The following BCAS3 variants were observed in gnomAD, a reference collection of about 807,000 sequenced individuals.
BCAS3 encodes BCAS3 microtubule associated cell migration factor, also known as BCAS4/BCAS3 fusion.
In BCAS3, 53 loss-of-function variants were observed where a neutral mutation model predicts 116.1. The ratio of observed to expected loss-of-function variants is 0.46; its 90% CI spans 0.37 to 0.57. The LOEUF (loss-of-function observed/expected upper bound fraction) is 0.57, where lower values mean the gene tolerates loss of function less well. Ranked by LOEUF, BCAS3 falls within the 20% of genes least tolerant of loss-of-function variation. BCAS3 has a pLI of 0.00. For missense variants in BCAS3, 917 were observed against 1,165.4 expected, an observed-to-expected ratio of 0.79 and a Z score of 3.10; for synonymous variants, 391 against 408.2, an observed-to-expected ratio of 0.96 and a Z score of 0.51.
intron 22 of BCAS3, among the ~76,000 whole-genome samples, chr17:61,236,782 T>C (rs994164587): frequency 6.6e-6 from 1 of 151,064 alleles, no homozygotes; most frequent in African/African-American, 2.4e-5. Context: ...AAAAAGGCTT[T>C]TTGGAGAAGG....
At chr17:61,310,061 A>G (rs922374156) in intron 22 of BCAS3, among the ~76,000 whole-genome samples, 1 of 152,166 alleles carries the variant, frequency 6.6e-6, no homozygotes, top group African/African-American at 2.4e-5. Context: ...AGTAATAATA[A>G]ATGTAGGAAT....
intron 7 of BCAS3, among the ~76,000 whole-genome samples, chr17:60,862,078 T>G (rs926555360): frequency 6.6e-6 from 1 of 152,012 alleles, no homozygotes; most frequent in East Asian, 1.9e-4. Context: ...GGTCAGGAGA[T>G]TGAGACCGTC....
At chr17:61,178,109 A>G (rs1248272305) in intron 22 of BCAS3, among the ~76,000 whole-genome samples, 2 of 152,144 alleles carry the variant, frequency 1.3e-5, no homozygotes, top group Non-Finnish European at 2.9e-5. Flanking sequence ...TTTATTTTAA[A>G]TTAAAATTCA....
chr17:60,735,692 G>A (rs1454711981), intron 5 of BCAS3, among the ~76,000 whole-genome samples: 4 of 152,088 alleles, frequency 2.6e-5, no homozygotes, highest in Admixed American at 6.5e-5. Context: ...GGGTTCAAGC[G>A]ATCCACTCAC....
At chr17:60,916,817 G>A (rs2058802180) in intron 12 of BCAS3, among the ~76,000 whole-genome samples, 1 of 152,136 alleles carries the variant, frequency 6.6e-6, no homozygotes, top group African/African-American at 2.4e-5. Flanking sequence ...TAAGGTACCA[G>A]TATTCACAAT....
At position 61,016,232 on chromosome 17, in the gene BCAS3, T is replaced by G. The variant is rs79812696; in HGVS notation, c.1637+331T>G. On this transcript the variant is annotated intron_variant, in intron 16 of 23. Coordinates refer to ENST00000407086, the MANE Select transcript of BCAS3 (RefSeq NM_017679.5). ...GTACAGTTTCATTTTCCTGGCTCTTTCGGGATTTGAAATGACTCCCAAATT... is the reference window on the plus strand; with the variant it reads ...GTACAGTTTCATTTTCCTGGCTCTTGCGGGATTTGAAATGACTCCCAAATT... Among the ~76,000 whole-genome samples, 546 of 152,334 alleles carry G rather than the reference T, an allele frequency of 3.6e-3. 10 individuals carry two copies. The East Asian group carries it at 0.076, about 21-fold the overall frequency.
intron 10 of BCAS3, among the ~76,000 whole-genome samples, chr17:60,897,012 T>C (rs920367073): frequency 2.0e-5 from 3 of 152,178 alleles, no homozygotes; most frequent in African/African-American, 7.2e-5. Flanking sequence ...GTGAGTTTCA[T>C]AGTTTGGTGT....
intron 22 of BCAS3, among the ~76,000 whole-genome samples, chr17:61,342,508 T>C (rs8067416): frequency 0.85 from 128,825 of 152,178 alleles, 54,688 homozygotes; most frequent in African/African-American, 0.86. Context: ...AGTGAGGCAG[T>C]GTGGCAGTCC....
intron 4 of BCAS3, among the ~76,000 whole-genome samples, chr17:60,699,697 A>G (rs2036122663): frequency 6.6e-6 from 1 of 152,112 alleles, no homozygotes; most frequent in African/African-American, 2.4e-5. Context: ...AATAATTTTG[A>G]TTTTTATCTT....
At chr17:61,283,732 C>T (rs191912927) in intron 22 of BCAS3, among the ~76,000 whole-genome samples, 4 of 152,172 alleles carry the variant, frequency 2.6e-5, no homozygotes, top group Admixed American at 1.3e-4. Context: ...AGATTACAGG[C>T]GTGAGCCACC....
intron 16 of BCAS3, among the ~76,000 whole-genome samples, chr17:61,027,971 G>T (rs757921705): frequency 6.6e-6 from 1 of 151,818 alleles, no homozygotes. Flanking sequence ...TAACCAGTGC[G>T]AAGTTTTGAG....
intron 7 of BCAS3, chr17:60,810,745 G>A (rs1403961141): frequency 4.5e-6 from 3 of 662,756 alleles, no homozygotes; most frequent in Non-Finnish European, 8.4e-6. Context: ...TGACACCAAT[G>A]TCACTCAGCT....
At position 60,790,707 on chromosome 17, in the gene BCAS3, A is replaced by G. The variant is rs114851101; in HGVS notation, c.404-17297A>G. Among the ~76,000 whole-genome samples, 1,431 of 148,356 alleles carry G rather than the reference A, an allele frequency of 9.6e-3. 26 individuals carry two copies. Among genetic ancestry groups the G allele is most frequent in the African/African-American group, 0.033 (1,343 of 40,558 alleles). ...AATTCTAAAATATTTAAATAACTAT[A>G]GTTTTATTCATAAACATTAGTTGTG... On this transcript the variant is annotated intron_variant, in intron 6 of 23. Transcript: ENST00000407086.
At chr17:61,044,879 C>G (rs1011861893) in intron 19 of BCAS3, among the ~76,000 whole-genome samples, 17 of 150,910 alleles carry the variant, frequency 1.1e-4, no homozygotes, top group African/African-American at 4.1e-4. Flanking sequence ...TCACGCAATT[C>G]CCCTCCCAAG....
In BCAS3 at chr17:61,037,865, CG is replaced by C. The variant is rs750422211; in HGVS notation, c.1763-21del. On this transcript the variant is annotated intron_variant, in intron 17 of 23. Coordinates refer to ENST00000407086, the MANE Select transcript of BCAS3 (RefSeq NM_017679.5). This position sits in a 1 kb window ranked among gnomAD's most constrained non-coding sequence, Gnocchi z 4.7. ...CTCCATTTATGCCATCATAACACATCGGGTTCTGTTTCTCTGTTTGTAGATC... is the reference window on the plus strand; with the variant it reads ...CTCCATTTATGCCATCATAACACATCGGTTCTGTTTCTCTGTTTGTAGATC... 112 of 1,606,096 alleles carry C rather than the reference CG, an allele frequency of 7.0e-5. No homozygotes were observed. The highest frequency in any genetic ancestry group is 6.7e-4 in the Admixed American group (40 of 59,652).
rs1485801901 is a variant in BCAS3 at position 61,186,047 on chromosome 17, T to G, written c.2425+101483T>G. On this transcript the variant is annotated intron_variant, in intron 22 of 23. Transcript: ENST00000407086. The surrounding 1 kb of genome is among the most constrained non-coding windows in gnomAD (Gnocchi z 4.9). ...TAGTTCCTTAGGAGAGATGTAACAT[T>G]AGGATGGAGGGTGAAATATAATTTT... Among the ~76,000 whole-genome samples, 1 of 152,206 alleles carries G rather than the reference T, an allele frequency of 6.6e-6. No individual in the cohort carries two copies. Among genetic ancestry groups the G allele is most frequent in the East Asian group, 1.9e-4 (1 of 5,196 alleles).
chr17:60,970,688 A>G (rs1369065832), intron 14 of BCAS3, among the ~76,000 whole-genome samples: 1 of 152,184 alleles, frequency 6.6e-6, no homozygotes, highest in Non-Finnish European at 1.5e-5. Flanking sequence ...GCATCTTGAC[A>G]TTTTGGGCTG....
At chr17:60,932,479 C>T (rs1161483234) in intron 13 of BCAS3, among the ~76,000 whole-genome samples, 3 of 152,148 alleles carry the variant, frequency 2.0e-5, no homozygotes, top group East Asian at 1.9e-4. Flanking sequence ...CGGTGGCTCA[C>T]GCCTGTAATC....
chr17:61,146,576 T>C (rs1251801958), intron 22 of BCAS3, among the ~76,000 whole-genome samples: 2 of 152,200 alleles, frequency 1.3e-5, no homozygotes, highest in African/African-American at 2.4e-5. Flanking sequence ...GTAGTTTTCA[T>C]GGCTTTCAAA....
Sources: gnomAD v4.1 joint callset for allele counts (sites outside exome capture counted in the v4.1 genomes callset) on GRCh38, gnomAD v4.1.1 for gene constraint, Gnocchi (gnomAD v3.1) non-coding constraint, MANE v1.5 for transcripts, NCBI Gene and HGNC (gene_info 2026-07-23, HGNC 2026-07-21) for gene names.